The following RPS6KC1 variants were observed in gnomAD, a reference collection of about 807,000 sequenced individuals.
RPS6KC1 encodes the protein ribosomal protein S6 kinase C1, also known as inactive ribosomal protein S6 kinase delta-1.
A neutral mutation model predicts 103.8 loss-of-function variants in RPS6KC1; 54 were observed. That is an observed-to-expected ratio of 0.52 (90% CI 0.42 to 0.65). The LOEUF (loss-of-function observed/expected upper bound fraction) is 0.65. Ranked by LOEUF, RPS6KC1 falls within the 30% of genes least tolerant of loss-of-function variation. The probability of loss-of-function intolerance (pLI) is 0.00; values close to 1 mark genes in which losing one functional copy is unlikely to be tolerated. For synonymous variants in RPS6KC1, 439 were observed against 438.7 expected (o/e 1.00, Z -0.01); for missense variants, 1,151 against 1,253.8 (o/e 0.92, Z 1.24).
chr1:213,299,167 C>G, the RPS6KC1 span, among the ~76,000 whole-genome samples: 1 of 152,102 alleles, frequency 6.6e-6, no homozygotes, highest in Non-Finnish European at 1.5e-5. Flanking sequence ...AAGCAAGAGC[C>G]GAGTGAAAGC....
the RPS6KC1 span, among the ~76,000 whole-genome samples, chr1:213,830,595 C>T: frequency 1.9e-4 from 29 of 150,156 alleles, no homozygotes; most frequent in African/African-American, 4.4e-4. Context: ...CCACCTTCAA[C>T]GGCCATGGTG....
chr1:213,182,154 T>C (rs1300223173), intron 8 of RPS6KC1, among the ~76,000 whole-genome samples: 2 of 152,146 alleles, frequency 1.3e-5, no homozygotes, highest in African/African-American at 4.8e-5. Context: ...ATATATAATA[T>C]AACTAGAGCA....
At chr1:213,526,863 T>A in the RPS6KC1 span, among the ~76,000 whole-genome samples, 6 of 152,228 alleles carry the variant, frequency 3.9e-5, no homozygotes, top group Non-Finnish European at 8.8e-5. Flanking sequence ...GTAATAAAAA[T>A]TGCATTTATT....
chr1:213,609,120 G>T, the RPS6KC1 span, among the ~76,000 whole-genome samples: 7 of 152,296 alleles, frequency 4.6e-5, no homozygotes, highest in East Asian at 7.7e-4. Context: ...TCCAAAGCAG[G>T]TCCATTCCTA....
the RPS6KC1 span, among the ~76,000 whole-genome samples, chr1:213,855,276 T>C: frequency 3.4e-3 from 518 of 152,310 alleles, 4 homozygotes; most frequent in African/African-American, 0.011. Context: ...AATTACACAG[T>C]ACCAGAAATG....
the RPS6KC1 span, among the ~76,000 whole-genome samples, chr1:213,827,408 G>T: frequency 6.6e-6 from 1 of 152,292 alleles, no homozygotes; most frequent in East Asian, 1.9e-4. Context: ...GAACCTCCAT[G>T]CTAGGCACTC....
At chr1:213,423,173 CT>C in the RPS6KC1 span, among the ~76,000 whole-genome samples, 2 of 152,178 alleles carry the variant, frequency 1.3e-5, no homozygotes, top group Non-Finnish European at 2.9e-5. Flanking sequence ...CTGAATGTGA[CT>C]TTATTTGTTT....
the RPS6KC1 span, among the ~76,000 whole-genome samples, chr1:213,792,818 A>G: frequency 5.9e-5 from 9 of 151,704 alleles, no homozygotes; most frequent in East Asian, 1.8e-3. Flanking sequence ...GACTTAAGGA[A>G]CCCCCACCCC....
the RPS6KC1 span, among the ~76,000 whole-genome samples, chr1:213,299,525 C>G: frequency 7.5e-6 from 1 of 132,876 alleles, no homozygotes. Flanking sequence ...GCACTCCAGC[C>G]TGGGCAACAG....
chr1:213,695,363 G>A, the RPS6KC1 span, among the ~76,000 whole-genome samples: 4 of 152,170 alleles, frequency 2.6e-5, no homozygotes, highest in Admixed American at 6.5e-5. Flanking sequence ...TGCCAGATGC[G>A]AGTAGGTACA....
chr1:213,671,756 C>T, the RPS6KC1 span, among the ~76,000 whole-genome samples: 1 of 152,150 alleles, frequency 6.6e-6, no homozygotes, highest in African/African-American at 2.4e-5. Flanking sequence ...TGCACTCTAG[C>T]CTGGGCAACA....
At chr1:213,582,466 G>T in the RPS6KC1 span, among the ~76,000 whole-genome samples, 1 of 152,134 alleles carries the variant, frequency 6.6e-6, no homozygotes. Flanking sequence ...GCTATCCTCT[G>T]TCACCAGGAT....
rs1281240349 is a variant in RPS6KC1 at position 213,129,537 on chromosome 1, T to C, written c.483T>C (p.Ser161=). The C allele has an allele frequency of 1.2e-6, 2 of 1,604,858 alleles. No individual in the cohort carries two copies. Residue 161 remains serine (S), a synonymous_variant, in exon 6 of 15, where the codon AGT becomes AGC. Coordinates refer to ENST00000366960, the MANE Select transcript of RPS6KC1 (RefSeq NM_012424.6). ...FPECSTEGFS[S]DSDLVSLTVD... ...TGATCATATTTCTAGGCTTCTCCAG[T>C]GACAGTGATCTGGTATCTCTTACTG...
rs762345458 is a variant in RPS6KC1 at position 213,232,119 on chromosome 1, T to A, written c.1093-4T>A. The A allele has an allele frequency of 5.0e-6, 8 of 1,613,476 alleles. No homozygotes were observed. The highest frequency in any genetic ancestry group is 1.6e-4 in the Middle Eastern group (1 of 6,076). On this transcript the variant is annotated splice_region_variant and splice_polypyrimidine_tract_variant and intron_variant, in intron 9 of 14. Coordinates refer to ENST00000366960, the MANE Select transcript of RPS6KC1 (RefSeq NM_012424.6). ...ATACAACTGACCTTTTTGTTCTCTG[T>A]CAGGGTCTAAGGAAAAGCAGTGAAT...
At chr1:213,336,622 A>G in the RPS6KC1 span, among the ~76,000 whole-genome samples, 1 of 152,286 alleles carries the variant, frequency 6.6e-6, no homozygotes, top group South Asian at 2.1e-4. Flanking sequence ...ACCTTTTCCA[A>G]TTTAATCCTT....
At chr1:213,580,493 A>G in the RPS6KC1 span, among the ~76,000 whole-genome samples, 2 of 152,156 alleles carry the variant, frequency 1.3e-5, no homozygotes, top group Admixed American at 6.5e-5. Flanking sequence ...AAGCAGTGGT[A>G]GGGTTTGAGA....
chr1:213,518,496 G>A, the RPS6KC1 span, among the ~76,000 whole-genome samples: 28 of 152,332 alleles, frequency 1.8e-4, no homozygotes, highest in East Asian at 5.0e-3. Context: ...CTCCCCTAGA[G>A]CCTTTGCAGG....
the RPS6KC1 span, among the ~76,000 whole-genome samples, chr1:213,423,310 A>T: frequency 6.6e-6 from 1 of 152,162 alleles, no homozygotes; most frequent in African/African-American, 2.4e-5. Flanking sequence ...CTGCCAGAAA[A>T]ATTCTGGCCA....
At chr1:213,705,027 C>A in the RPS6KC1 span, among the ~76,000 whole-genome samples, 14 of 152,368 alleles carry the variant, frequency 9.2e-5, no homozygotes, top group African/African-American at 3.1e-4. Context: ...GACACAAGCA[C>A]CCCTGTGGTC....
Sources: allele counts gnomAD v4.1 joint callset (sites outside exome capture counted in the v4.1 genomes callset), GRCh38; gene constraint gnomAD v4.1.1; transcripts MANE v1.5; gene names NCBI Gene and HGNC (gene_info 2026-07-23, HGNC 2026-07-21).